The following SPIDR variants were observed in gnomAD, a reference collection of about 807,000 sequenced individuals.
The protein encoded by SPIDR is DNA repair-scaffolding protein.
In SPIDR, 93 loss-of-function variants were observed where a neutral mutation model predicts 104.6. The ratio of observed to expected loss-of-function variants is 0.89; its 90% confidence interval spans 0.75 to 1.06. The LOEUF (loss-of-function observed/expected upper bound fraction) is 1.06, where lower values mean the gene tolerates loss of function less well. Ranked by LOEUF, SPIDR falls within the 50% of genes least tolerant of loss-of-function variation. SPIDR has a pLI of 0.00. For missense variants in SPIDR, 1,154 were observed against 1,111.2 expected, an observed-to-expected ratio of 1.04 and a Z score of -0.55; for synonymous variants, 431 against 416.9, an observed-to-expected ratio of 1.03 and a Z score of -0.41.
chr8:47,679,438 T>C (rs1455174605), intron 11 of SPIDR, among the ~76,000 whole-genome samples: 2 of 124,856 alleles, frequency 1.6e-5, no homozygotes, highest in African/African-American at 6.7e-5. Flanking sequence ...AGTGCTGGCC[T>C]GTGCCAGGTG....
chr8:47,479,603 A>C (rs568292792), intron 8 of SPIDR, among the ~76,000 whole-genome samples: 23 of 152,242 alleles, frequency 1.5e-4, no homozygotes, highest in Non-Finnish European at 4.4e-5. Context: ...GCTGCACCTG[A>C]TCCTGTGGCT....
intron 5 of SPIDR, among the ~76,000 whole-genome samples, chr8:47,352,758 A>G (rs1271018707): frequency 1.3e-5 from 2 of 152,270 alleles, no homozygotes; most frequent in East Asian, 3.9e-4. Flanking sequence ...AACTAAGTAA[A>G]GTAACTTGAA....
chr8:47,298,758 A>G (rs1345910167), intron 5 of SPIDR, among the ~76,000 whole-genome samples: 7 of 152,126 alleles, frequency 4.6e-5, no homozygotes, highest in African/African-American at 1.7e-4. Flanking sequence ...AAGATCAGAT[A>G]GTTGTAGATA....
intron 6 of SPIDR, among the ~76,000 whole-genome samples, chr8:47,397,435 G>T (rs2061364744): frequency 6.6e-6 from 1 of 152,166 alleles, no homozygotes; most frequent in South Asian, 2.1e-4. Flanking sequence ...GGCGGAGGTT[G>T]CAGTGAGCTG....
chr8:47,291,087 G>C lies in SPIDR; in HGVS notation c.311G>C (p.Ser104Thr), dbSNP rs1372401727. Reference sequence around the variant, plus strand: ...CTTACAGACATAACATGGAGCTCCAGTGGAAGTGATTTGTCGGATGAAGAT... The same window carrying C: ...CTTACAGACATAACATGGAGCTCCACTGGAAGTGATTTGTCGGATGAAGAT... ...SGLTDITWSS[S>T]GSDLSDEDKT... is the part of the protein sequence containing the mutation. Residue 104 changes from serine to threonine, a missense_variant, in exon 4 of 20, where the codon AGT becomes ACT. By Grantham distance (58) the Ser-to-Thr change is moderately conservative. Transcript: ENST00000297423. The C allele has an allele frequency of 1.1e-5, 18 of 1,613,266 alleles. No individual in the cohort carries two copies. Among genetic ancestry groups the C allele is most frequent in the Non-Finnish European group, 1.5e-5 (18 of 1,179,580 alleles).
intron 5 of SPIDR, among the ~76,000 whole-genome samples, chr8:47,322,008 G>A (rs1216871133): frequency 6.6e-6 from 1 of 152,054 alleles, no homozygotes; most frequent in Non-Finnish European, 1.5e-5. Context: ...GAAAACCTAG[G>A]CAATACCATT....
chr8:47,430,996 A>G (rs1056518376), intron 7 of SPIDR, among the ~76,000 whole-genome samples: 4 of 152,194 alleles, frequency 2.6e-5, no homozygotes, highest in African/African-American at 9.7e-5. Context: ...TCCTGTATGT[A>G]TCGCATTGTC....
chr8:47,507,898 A>G (rs2081724081), intron 8 of SPIDR, among the ~76,000 whole-genome samples: 1 of 152,152 alleles, frequency 6.6e-6, no homozygotes, highest in Non-Finnish European at 1.5e-5. Context: ...TTTGACTTCG[A>G]GTATCCCAGT....
intron 5 of SPIDR, among the ~76,000 whole-genome samples, chr8:47,376,675 G>C (rs1353993113): frequency 6.6e-6 from 1 of 152,066 alleles, no homozygotes; most frequent in African/African-American, 2.4e-5. Flanking sequence ...TAAATAGTAA[G>C]TTGAATTTTC....
chr8:47,320,449 A>G (rs533218819), intron 5 of SPIDR, among the ~76,000 whole-genome samples: 1 of 152,300 alleles, frequency 6.6e-6, no homozygotes, highest in East Asian at 1.9e-4. Flanking sequence ...AATTGAGGCG[A>G]TAATAATAGC....
chr8:47,484,811 T>C (rs76830330), intron 8 of SPIDR, among the ~76,000 whole-genome samples: 5,389 of 152,300 alleles, frequency 0.035, 268 homozygotes, highest in African/African-American at 0.11. Context: ...GTTTACCACA[T>C]TGTGGCGTTC....
At chr8:47,660,879 A>G in intron 10 of SPIDR, 1 of 872,464 alleles carries the variant, frequency 1.1e-6, no homozygotes, top group Non-Finnish European at 1.4e-6. Context: ...TTTTCTTGTC[A>G]GTTAACTGCA....
At chr8:47,498,551 T>C (rs1251226927) in intron 8 of SPIDR, among the ~76,000 whole-genome samples, 2 of 152,210 alleles carry the variant, frequency 1.3e-5, no homozygotes, top group African/African-American at 2.4e-5. Flanking sequence ...TCTAGGAAGA[T>C]TGTCTGTATT....
intron 8 of SPIDR, among the ~76,000 whole-genome samples, chr8:47,569,989 A>T (rs1454814525): frequency 2.0e-5 from 3 of 152,226 alleles, no homozygotes; most frequent in Non-Finnish European, 2.9e-5. Context: ...AATAGGGTTA[A>T]GAAGGCAATA....
rs1344683460 is a variant in SPIDR, at chr8:47,595,046, T to A, written c.1098-765T>A. Among the ~76,000 whole-genome samples the A allele has an allele frequency of 4.1e-4, 62 of 151,988 alleles. 1 individual carries two copies. On this transcript the variant is annotated intron_variant, in intron 8 of 19. Transcript: ENST00000297423. ...GAAAACCCAGGAACTTGCCACTGCCTCATTCCTGAAGTCCTGAGGTCTCTA... is the reference window on the plus strand; with the variant it reads ...GAAAACCCAGGAACTTGCCACTGCCACATTCCTGAAGTCCTGAGGTCTCTA...
chr8:47,591,273 A>G (rs1055872244), intron 8 of SPIDR, among the ~76,000 whole-genome samples: 1 of 148,302 alleles, frequency 6.7e-6, no homozygotes, highest in East Asian at 2.0e-4. Flanking sequence ...AATTTTATTT[A>G]TAACGTTTTG....
intron 11 of SPIDR, among the ~76,000 whole-genome samples, chr8:47,699,843 C>T (rs1417361116): frequency 1.3e-5 from 2 of 152,234 alleles, no homozygotes; most frequent in Non-Finnish European, 1.5e-5. Context: ...GCATGAGCCA[C>T]CGCACCCAGC....
chr8:47,673,493 CT>C (rs1263118676), intron 10 of SPIDR: 1 of 490,346 alleles, frequency 2.0e-6, no homozygotes, highest in South Asian at 1.5e-5. Flanking sequence ...TCTTGAGGTA[CT>C]TTTCAGCCAT....
intron 12 of SPIDR, among the ~76,000 whole-genome samples, chr8:47,701,142 T>C (rs1483152906): frequency 2.0e-5 from 3 of 152,126 alleles, no homozygotes; most frequent in Admixed American, 6.5e-5. Flanking sequence ...CTAAACAGCA[T>C]AGTAGTTGTC....
Sources: allele counts gnomAD v4.1 joint callset (sites outside exome capture counted in the v4.1 genomes callset), GRCh38; gene constraint gnomAD v4.1.1; transcripts MANE v1.5; gene names NCBI Gene and HGNC (gene_info 2026-07-23, HGNC 2026-07-21).